CACNG7: variants seen among roughly 807,000 people sequenced by gnomAD.
CACNG7 encodes the protein voltage-dependent calcium channel gamma-7 subunit.
CACNG7 carries 9 observed loss-of-function variants against 26.3 expected under a neutral mutation model. That is an observed-to-expected ratio of 0.34 (90% CI 0.21 to 0.60). The LOEUF (loss-of-function observed/expected upper bound fraction) is 0.60, where lower values mean the gene tolerates loss of function less well. Ranked by LOEUF, CACNG7 falls within the 20% of genes least tolerant of loss-of-function variation. The probability of loss-of-function intolerance (pLI) is 0.81; values close to 1 mark genes in which losing one functional copy is unlikely to be tolerated. For missense variants in CACNG7, 297 were observed against 380.4 expected (o/e 0.78, Z 1.82); for synonymous variants, 170 against 157.0 (o/e 1.08, Z -0.62).
chr19:53,922,481 T>G (rs1401173849), intron 4 of CACNG7, among the ~76,000 whole-genome samples: 1 of 90,854 alleles, frequency 1.1e-5, no homozygotes, highest in Non-Finnish European at 2.1e-5. Context: ...TTGCCCCAGG[T>G]CTGGTCATTG....
chr19:53,919,620 G>C (rs1214695556), intron 4 of CACNG7, among the ~76,000 whole-genome samples: 1 of 138,346 alleles, frequency 7.2e-6, no homozygotes, highest in Non-Finnish European at 1.5e-5. Context: ...CCCCAGGCTG[G>C]TCATTGGTGG....
chr19:53,919,904 G>GC (rs2068927355), intron 4 of CACNG7, among the ~76,000 whole-genome samples: 2 of 131,086 alleles, frequency 1.5e-5, no homozygotes, highest in African/African-American at 3.1e-5. Context: ...CTTGCCCCAG[G>GC]CTGGTCATTG....
chr19:53,937,373 G>A (rs2069111357), intron 4 of CACNG7, among the ~76,000 whole-genome samples: 2 of 152,152 alleles, frequency 1.3e-5, no homozygotes, highest in South Asian at 4.1e-4. Flanking sequence ...GCACCGTTTT[G>A]CATTCCCACC....
At chr19:53,934,149 A>C (rs966455223) in intron 4 of CACNG7, among the ~76,000 whole-genome samples, 2 of 152,146 alleles carry the variant, frequency 1.3e-5, no homozygotes, top group Non-Finnish European at 2.9e-5. Flanking sequence ...CACCCACCTC[A>C]GCCTCCCAAA....
In CACNG7 at chr19:53,943,601, G is replaced by T. The variant is rs915544038; in HGVS notation, c.*1308G>T. On this transcript the variant is annotated 3_prime_UTR_variant, in exon 6 of 6. Coordinates refer to ENST00000391767, the MANE Select transcript of CACNG7 (RefSeq NM_031896.5). ...TTACGCAGCGATTTTTAACGAGGCT[G>T]GGGGGAGGGGGGCACTGGGGTGGGG... is the stretch of plus-strand genomic sequence containing the variant. 3 of 143,422 alleles carry T rather than the reference G, an allele frequency of 2.1e-5. No individual in the cohort carries two copies. The highest frequency in any genetic ancestry group is 3.1e-5 in the Non-Finnish European group (2 of 65,068). 8.9% of individuals were successfully genotyped at this position (143,422 alleles called of 1,614,324 possible).
chr19:53,939,593 C>T lies in CACNG7; in HGVS notation c.425-1877C>T, dbSNP rs1012068597. ...CTTTCTAGGTTCATCCCTATGGTAG[C>T]ATGAATCAGTATATCGTTCCCTTTT... On this transcript the variant is annotated intron_variant, in intron 4 of 5. Transcript: ENST00000391767. This position sits in a 1 kb window ranked among gnomAD's most constrained non-coding sequence, Gnocchi z 4.2. Among the ~76,000 whole-genome samples the T allele has an allele frequency of 2.0e-5, 3 of 152,172 alleles. No homozygotes were observed. The highest frequency in any genetic ancestry group is 2.1e-4 in the South Asian group (1 of 4,824).
intron 4 of CACNG7, among the ~76,000 whole-genome samples, chr19:53,916,487 C>CTATTT (rs2068898502): frequency 1.0e-5 from 1 of 95,466 alleles, no homozygotes; most frequent in African/African-American, 4.4e-5. Flanking sequence ...TTCTTTCTTT[C>CTATTT]TTTTTTTTTT....
chr19:53,913,084 G>T, intron 2 of CACNG7, 57 bp downstream of exon 2: 3 of 1,493,976 alleles, frequency 2.0e-6, no homozygotes, highest in Non-Finnish European at 2.8e-6. Context: ...GGGTCTGAGA[G>T]TCTTAGCCAT....
At chr19:53,922,239 G>C (rs538267165) in intron 4 of CACNG7, among the ~76,000 whole-genome samples, 5 of 111,382 alleles carry the variant, frequency 4.5e-5, no homozygotes, top group Admixed American at 4.2e-4. Flanking sequence ...CCCAGGTCTG[G>C]TCATTGGTGG....
chr19:53,916,841 A>G (rs1233206905), intron 4 of CACNG7, among the ~76,000 whole-genome samples: 4 of 125,648 alleles, frequency 3.2e-5, no homozygotes, highest in African/African-American at 9.3e-5. Flanking sequence ...TCTGTTGCCC[A>G]GGCTGGAGCC....
intron 1 of CACNG7, among the ~76,000 whole-genome samples, chr19:53,910,436 T>G (rs2068855616): frequency 6.6e-6 from 1 of 152,058 alleles, no homozygotes; most frequent in Admixed American, 6.6e-5. Flanking sequence ...TGTCTCAGAC[T>G]CCAGAGTCTT....
At chr19:53,933,530 G>A (rs1460373961) in intron 4 of CACNG7, among the ~76,000 whole-genome samples, 2 of 151,790 alleles carry the variant, frequency 1.3e-5, no homozygotes, top group Non-Finnish European at 2.9e-5. Context: ...TCAAACTCCT[G>A]ACCTCAGGTG....
At chr19:53,922,441 G>A (rs1473266214) in intron 4 of CACNG7, among the ~76,000 whole-genome samples, 1 of 126,218 alleles carries the variant, frequency 7.9e-6, no homozygotes, top group Non-Finnish European at 1.7e-5. Flanking sequence ...GGTCATTGGT[G>A]GAGTTGTCCC....
chr19:53,915,294 G>T, intron 3 of CACNG7, 71 bp from the exon 4 acceptor site: 1 of 1,192,378 alleles, frequency 8.4e-7, no homozygotes, highest in South Asian at 1.3e-5. Flanking sequence ...TGAGAGCAGA[G>T]GTCAAGGAAT....
chr19:53,912,626 G>T lies in CACNG7; in HGVS notation c.-29-177G>T. On this transcript the variant is annotated intron_variant, in intron 1 of 5. Transcript: ENST00000391767. The surrounding 1 kb of genome is among the most constrained non-coding windows in gnomAD (Gnocchi z 4.6). ...GCCCTGAGGCTGAGGCTCAACAGTT[G>T]GTGTCTCTGGTCAGACTCTAGGGTT... 1 of 560,144 alleles carries T rather than the reference G, an allele frequency of 1.8e-6. No individual in the cohort carries two copies. Among genetic ancestry groups the T allele is most frequent in the Non-Finnish European group, 3.2e-6 (1 of 316,854 alleles). The allele number at this position is 560,144 out of a possible 1,614,324, so 34.7% of individuals were successfully genotyped here. A position where few individuals can be genotyped will look rare whatever the true frequency, so the allele number is the denominator to read the frequency against.
chr19:53,920,519 G>GT (rs36183028), intron 4 of CACNG7, among the ~76,000 whole-genome samples: 3 of 9,838 alleles, frequency 3.0e-4, no homozygotes, highest in African/African-American at 1.2e-3. Flanking sequence ...GTTGCCCCAG[G>GT]CTGGTCATTG....
In CACNG7 at chr19:53,942,041, C is replaced by T. The variant is rs781331621; in HGVS notation, c.576C>T (p.Ala192=). 52 of 1,588,602 alleles carry T rather than the reference C, an allele frequency of 3.3e-5. No individual in the cohort carries two copies. Among genetic ancestry groups the T allele is most frequent in the Non-Finnish European group, 4.1e-5 (48 of 1,162,632 alleles). ...CTGACCTTGCCTTGCCGCAGGGGGC[C>T]GGCGTGATGTCCGTGTACCTGTTCA... is the stretch of plus-strand genomic sequence containing the variant. ...AASSFLLKEG[A]GVMSVYLFTK... is the part of the protein sequence containing the mutation. Residue 192 remains alanine (A), a synonymous_variant, in exon 6 of 6, where the codon GCC becomes GCT. Coordinates refer to ENST00000391767, the MANE Select transcript of CACNG7 (RefSeq NM_031896.5). This position sits in a 1 kb window ranked among gnomAD's most constrained non-coding sequence, Gnocchi z 5.9.
rs530103463 is a variant in CACNG7, at chr19:53,938,696, C to A, written c.425-2774C>A. The stretch of plus-strand genomic sequence containing the variant: ...GGCACAGTGGCTCACGCCTGTAATC[C>A]CAGCACTCTGGGAGATGAGGTGTGC... On this transcript the variant is annotated intron_variant, in intron 4 of 5. Coordinates refer to ENST00000391767, the MANE Select transcript of CACNG7 (RefSeq NM_031896.5). Among the ~76,000 whole-genome samples the A allele has an allele frequency of 2.0e-5, 3 of 152,248 alleles. No individual in the cohort carries two copies. In the South Asian group the frequency reaches 6.2e-4, roughly 32 times the overall value.
At chr19:53,911,884 A>G (rs887723929) in intron 1 of CACNG7, among the ~76,000 whole-genome samples, 1 of 152,192 alleles carries the variant, frequency 6.6e-6, no homozygotes, top group African/African-American at 2.4e-5. Flanking sequence ...TGTTAGGCTC[A>G]AGATACAAAT....
Sources: allele counts gnomAD v4.1 joint callset (sites outside exome capture counted in the v4.1 genomes callset), GRCh38; gene constraint gnomAD v4.1.1; non-coding constraint Gnocchi (gnomAD v3.1); transcripts MANE v1.5; gene names NCBI Gene and HGNC (gene_info 2026-07-23, HGNC 2026-07-21).